Variants in RILPL1 observed in about 807,000 individuals in gnomAD.
RILPL1 encodes Rab interacting lysosomal protein like 1.
RILPL1 carries 33 observed loss-of-function variants against 50.3 expected under a neutral mutation model. That is an observed-to-expected ratio of 0.66 (90% CI 0.50 to 0.88). The LOEUF is 0.88. Among genes scored for constraint, RILPL1 ranks in the 40% least tolerant of loss-of-function variants. RILPL1 has a pLI of 0.00. For synonymous variants in RILPL1, 205 were observed against 228.6 expected (o/e 0.90, Z 0.93); for missense variants, 418 against 542.5 (o/e 0.77, Z 2.28).
chr12:123,499,132 G>T (rs577509075), intron 3 of RILPL1, among the ~76,000 whole-genome samples: 3 of 152,224 alleles, frequency 2.0e-5, no homozygotes, highest in Admixed American at 6.5e-5. Context: ...AAGTGGTGGG[G>T]CTGGAGGAGG....
intron 2 of RILPL1, among the ~76,000 whole-genome samples, chr12:123,502,128 T>C (rs1472875585): frequency 4.6e-5 from 7 of 151,572 alleles, no homozygotes; most frequent in Admixed American, 4.6e-4. Flanking sequence ...AGTAGAGCGT[T>C]GCAATGGGAA....
At chr12:123,501,768 A>G (rs988440607) in intron 2 of RILPL1, among the ~76,000 whole-genome samples, 1 of 151,200 alleles carries the variant, frequency 6.6e-6, no homozygotes, top group Non-Finnish European at 1.5e-5. Flanking sequence ...TCAAAAAAAA[A>G]AAAAAAGAAA....
intron 4 of RILPL1, among the ~76,000 whole-genome samples, chr12:123,494,518 G>A (rs2139331948): frequency 6.6e-6 from 1 of 152,284 alleles, no homozygotes; most frequent in Non-Finnish European, 1.5e-5. Flanking sequence ...CAAGAGTCCT[G>A]GAACAGCGCT....
intron 3 of RILPL1, 73 bp downstream of exon 3, chr12:123,499,345 A>G: frequency 1.0e-6 from 1 of 981,686 alleles, no homozygotes; most frequent in Non-Finnish European, 1.6e-6. Flanking sequence ...GGGCCTGCTG[A>G]GTGGAGGGTC....
At chr12:123,526,515 C>T (rs886961291) in intron 1 of RILPL1, among the ~76,000 whole-genome samples, 3 of 151,972 alleles carry the variant, frequency 2.0e-5, no homozygotes, top group Non-Finnish European at 4.4e-5. Context: ...TAAATGGTTA[C>T]TATAAGTAAA....
chr12:123,521,641 GTATATATATACACATATA>G (rs1566144366), intron 2 of RILPL1, among the ~76,000 whole-genome samples: 33 of 13,770 alleles, frequency 2.4e-3, no homozygotes, highest in Admixed American at 0.01. Flanking sequence ...ACACATATGT[GTATATATATACACATATA>G]TGTATATATA....
intron 6 of RILPL1, among the ~76,000 whole-genome samples, chr12:123,480,735 G>A (rs892814638): frequency 6.6e-6 from 1 of 151,922 alleles, no homozygotes; most frequent in Non-Finnish European, 1.5e-5. Flanking sequence ...ACCCTTCCTG[G>A]GCACTAAGTA....
At chr12:123,506,678 G>T (rs971865122) in intron 2 of RILPL1, among the ~76,000 whole-genome samples, 4 of 152,218 alleles carry the variant, frequency 2.6e-5, no homozygotes, top group South Asian at 2.1e-4. Context: ...CTTCTGAAGT[G>T]ACGCTCACCT....
chr12:123,476,691 A>G (rs1339472585), intron 6 of RILPL1, among the ~76,000 whole-genome samples: 1 of 152,088 alleles, frequency 6.6e-6, no homozygotes, highest in African/African-American at 2.4e-5. Context: ...TCTCCCTTAC[A>G]GTCCGAAGAA....
At position 123,533,115 on chromosome 12, in the gene RILPL1, G is replaced by C. The variant is rs973876659; in HGVS notation, c.309+59C>G. 176 of 1,449,298 alleles carry C rather than the reference G, an allele frequency of 1.2e-4. 1 individual carries two copies. In the African/African-American group the frequency reaches 2.1e-3, roughly 17 times the overall value. 89.8% of individuals were successfully genotyped at this position (1,449,298 alleles called of 1,614,324 possible). ...GCACCCACAGCTGCCCAATGCGGAA[G>C]AGCCCTTGGGTCCCCGCGGTCCCAC... On this transcript the variant is annotated intron_variant, in intron 1 of 6. Transcript: ENST00000376874. The surrounding 1 kb of genome is among the most constrained non-coding windows in gnomAD (Gnocchi z 6.2).
Position 123,533,200 on chromosome 12 carries a change from T to A in RILPL1, c.283A>T (p.Ile95Phe), listed in dbSNP as rs769589518. 2 of 1,576,010 alleles carry A rather than the reference T, an allele frequency of 1.3e-6. No individual in the cohort carries two copies. Among genetic ancestry groups the A allele is most frequent in the South Asian group, 2.3e-5 (2 of 87,752 alleles). ...TTCTGGTGCTTGCGCTCCTTCTCGA[T>A]GCGGTCCATCCTCTCCAGGCGCAGG... ...DRLRLERMDR[I>F]EKERKHQKEL... The change falls in exon 1 of 7, where the codon ATC (isoleucine) becomes TTC (phenylalanine). Residue 95 changes from isoleucine (I) to phenylalanine (F), a missense_variant. Ile to Phe is a conservative substitution (Grantham distance 21). Transcript: ENST00000376874. This position sits in a 1 kb window ranked among gnomAD's most constrained non-coding sequence, Gnocchi z 6.2.
chr12:123,533,592 TCAGCGGGCGCTGGGGCGAGGGCG>T lies in RILPL1; in HGVS notation c.-133_-111del, dbSNP rs1593615736. ...CAGCCTGGGCCGCGGGCGGGCGCGC[TCAGCGGGCGCTGGGGCGAGGGCG>T]CAGCGGGCAGCGGGCGGCGGGCGCG... On this transcript the variant is annotated 5_prime_UTR_variant, in exon 1 of 7. Coordinates refer to ENST00000376874, the MANE Select transcript of RILPL1 (RefSeq NM_178314.5). This position sits in a 1 kb window ranked among gnomAD's most constrained non-coding sequence, Gnocchi z 6.2. 1.1e-6 allele frequency: 1 copy of T among 930,086 alleles called. No homozygotes were observed. The highest frequency in any genetic ancestry group is 1.8e-5 in the African/African-American group (1 of 56,536). 57.6% of individuals were successfully genotyped at this position (930,086 alleles called of 1,614,324 possible).
chr12:123,510,706 G>C (rs1884062649), intron 2 of RILPL1, among the ~76,000 whole-genome samples: 1 of 136,758 alleles, frequency 7.3e-6, no homozygotes, highest in Non-Finnish European at 1.6e-5. Flanking sequence ...TGAGGTCTGT[G>C]TGTGGTGTCA....
At chr12:123,516,766 A>G (rs1220316135) in intron 2 of RILPL1, among the ~76,000 whole-genome samples, 2 of 152,182 alleles carry the variant, frequency 1.3e-5, no homozygotes, top group Non-Finnish European at 2.9e-5. Flanking sequence ...TGGTGTCCTT[A>G]TAAGACAAAG....
chr12:123,484,284 T>C lies in RILPL1; in HGVS notation c.975-12A>G. On this transcript the variant is annotated splice_polypyrimidine_tract_variant and intron_variant, in intron 5 of 6. Coordinates refer to ENST00000376874, the MANE Select transcript of RILPL1 (RefSeq NM_178314.5). ...CTTCCATTTCTTCACTGGAAGGAGA[T>C]GAGAGGCGTGAGATAAAAGAGTCAA... The C allele has an allele frequency of 5.2e-6, 8 of 1,534,042 alleles. No individual in the cohort carries two copies. Among genetic ancestry groups the C allele is most frequent in the East Asian group, 2.2e-5 (1 of 44,488 alleles).
intron 6 of RILPL1, among the ~76,000 whole-genome samples, chr12:123,477,490 C>T (rs1881678947): frequency 6.6e-6 from 1 of 151,978 alleles, no homozygotes; most frequent in African/African-American, 2.4e-5. Context: ...AGGCGTGCAC[C>T]ACCCTGCTGG....
rs1234901248 is a variant in RILPL1 at position 123,470,549 on chromosome 12, G to A, written c.*1989C>T. 9.2e-5 allele frequency: 14 copies of A among 151,912 alleles called. No individual in the cohort carries two copies. The highest frequency in any genetic ancestry group is 3.1e-4 in the African/African-American group (13 of 41,384). 9.4% of individuals were successfully genotyped at this position (151,912 alleles called of 1,614,324 possible). Reference sequence around the variant, plus strand: ...CCAGCACTTTGAGAGGCCAAGGCAGGTGAATCACTTGAGGTCAGGAGTTCG... The same window carrying A: ...CCAGCACTTTGAGAGGCCAAGGCAGATGAATCACTTGAGGTCAGGAGTTCG... On this transcript the variant is annotated 3_prime_UTR_variant, in exon 7 of 7. Transcript: ENST00000376874.
At chr12:123,495,040 A>G (rs1319825059) in intron 4 of RILPL1, among the ~76,000 whole-genome samples, 1 of 152,156 alleles carries the variant, frequency 6.6e-6, no homozygotes, top group African/African-American at 2.4e-5. Flanking sequence ...AGTCGCAGCC[A>G]TGTGACTCAG....
At chr12:123,477,370 G>A (rs369305419) in intron 6 of RILPL1, among the ~76,000 whole-genome samples, 13 of 120,860 alleles carry the variant, frequency 1.1e-4, no homozygotes, top group African/African-American at 3.8e-4. Context: ...AGACAGTCTC[G>A]CTTTGCCACC....
Sources: allele counts gnomAD v4.1 joint callset (sites outside exome capture counted in the v4.1 genomes callset), GRCh38; gene constraint gnomAD v4.1.1; non-coding constraint Gnocchi (gnomAD v3.1); transcripts MANE v1.5; gene names NCBI Gene and HGNC (gene_info 2026-07-23, HGNC 2026-07-21).